Variants in SYT13 observed in about 807,000 individuals in gnomAD.
The protein encoded by SYT13 is synaptotagmin-13.
A neutral mutation model predicts 38.6 loss-of-function variants in SYT13; 21 were observed. That is an observed-to-expected ratio of 0.54 (90% CI 0.39 to 0.78). The LOEUF is 0.78. Ranked by LOEUF, SYT13 falls within the 30% of genes least tolerant of loss-of-function variation. SYT13 has a pLI of 0.00. For missense variants in SYT13, 495 were observed against 548.7 expected (o/e 0.90, Z 0.98); for synonymous variants, 241 against 237.6 (o/e 1.01, Z -0.13).
At chr11:45,246,355 C>A in intron 5 of SYT13, 28 bp downstream of exon 5, 1 of 1,611,448 alleles carries the variant, frequency 6.2e-7, no homozygotes, top group Non-Finnish European at 8.5e-7. Flanking sequence ...CTGGAGGGGC[C>A]TTGGCCATCC....
chr11:45,247,735 A>C (rs1452422306), intron 4 of SYT13, among the ~76,000 whole-genome samples: 2 of 152,210 alleles, frequency 1.3e-5, no homozygotes, highest in African/African-American at 4.8e-5. Flanking sequence ...TTCAGCAAGC[A>C]TATGCAATGC....
At position 45,246,477 on chromosome 11, in the gene SYT13, G is replaced by C. The variant is rs777059657; in HGVS notation, c.882C>G (p.Ser294=). 1.2e-5 allele frequency: 20 copies of C among 1,614,038 alleles called. No individual in the cohort carries two copies. The South Asian group carries it at 2.1e-4, about 17-fold the overall frequency. ...PSAGAGEVLL[S]ISYLPAANRL... ...GGTTGGCAGCCGGGAGGTAGCTGAT[G>C]GATAGTAGGACCTCTCCAGCTCCTG... is the stretch of plus-strand genomic sequence containing the variant. The change falls in exon 5 of 6, where the codon TCC becomes TCG. Residue 294 remains serine, a synonymous_variant. Transcript: ENST00000020926.
At chr11:45,244,401 G>C in intron 5 of SYT13, 45 bp from the exon 6 acceptor site, 2 of 1,577,086 alleles carry the variant, frequency 1.3e-6, no homozygotes, top group South Asian at 1.2e-5. Flanking sequence ...GAAGGGACAA[G>C]AGTGAGTTTC....
chr11:45,250,044 T>C (rs531375394), intron 4 of SYT13, among the ~76,000 whole-genome samples: 1 of 152,230 alleles, frequency 6.6e-6, no homozygotes, highest in Non-Finnish European at 1.5e-5. Flanking sequence ...GAAAAACATC[T>C]GGGCTGCAAT....
rs1854558902 is a variant in SYT13, at chr11:45,242,123, C to T, written c.*1929G>A. ...GGAATGAAGCCCTTACCCATCTTGT[C>T]CAGAAATTCTGTCTTAGGGAAGTGG... is the stretch of plus-strand genomic sequence containing the variant. On this transcript the variant is annotated 3_prime_UTR_variant, in exon 6 of 6. Transcript: ENST00000020926. The T allele has an allele frequency of 6.6e-6, 1 of 152,154 alleles. No homozygotes were observed. Among genetic ancestry groups the T allele is most frequent in the Admixed American group, 6.5e-5 (1 of 15,278 alleles). 9.4% of individuals were successfully genotyped at this position (152,154 alleles called of 1,614,324 possible).
intron 1 of SYT13, among the ~76,000 whole-genome samples, chr11:45,269,944 TC>T (rs1399276238): frequency 2.6e-5 from 4 of 152,230 alleles, no homozygotes; most frequent in African/African-American, 9.6e-5. Context: ...CATGTTGTAA[TC>T]TCATCAACAC....
At chr11:45,275,471 G>C (rs1303936015) in intron 1 of SYT13, among the ~76,000 whole-genome samples, 3 of 152,146 alleles carry the variant, frequency 2.0e-5, no homozygotes, top group Non-Finnish European at 4.4e-5. Context: ...GCAGATTTCA[G>C]AAAGCAGGCA....
intron 1 of SYT13, among the ~76,000 whole-genome samples, chr11:45,279,866 G>T (rs1201070676): frequency 1.3e-5 from 2 of 152,056 alleles, no homozygotes; most frequent in African/African-American, 4.8e-5. Flanking sequence ...CAATTCATGG[G>T]GCGTCCTATC....
chr11:45,244,984 C>A (rs564120485), intron 5 of SYT13, among the ~76,000 whole-genome samples: 6 of 152,308 alleles, frequency 3.9e-5, no homozygotes, highest in Non-Finnish European at 7.4e-5. Context: ...AGCCAGCTCC[C>A]AACTCTTCAT....
intron 1 of SYT13, among the ~76,000 whole-genome samples, chr11:45,273,523 G>A (rs1854975146): frequency 6.6e-6 from 1 of 150,936 alleles, no homozygotes; most frequent in South Asian, 2.1e-4. Context: ...TAGGTTTGGG[G>A]TTGACGGGGG....
rs139576162 is a variant in SYT13 at position 45,252,603 on chromosome 11, C to T, written c.664G>A (p.Glu222Lys). The T allele has an allele frequency of 1.9e-6, 3 of 1,614,078 alleles. No individual in the cohort carries two copies. In the African/African-American group the frequency reaches 4.0e-5, roughly 22 times the overall value. The change falls in exon 4 of 6, where the codon GAG (glutamate) becomes AAG (lysine). Residue 222 changes from glutamate (E) to lysine (K), a missense_variant. Transcript: ENST00000020926. This position sits in a 1 kb window ranked among gnomAD's most constrained non-coding sequence, Gnocchi z 4.3. The stretch of plus-strand genomic sequence containing the variant: ...GCCAGGGGGAGCACCAGGCCCTCCT[C>T]CCAGGTGGTGTGCAGCTGCCGCTTC... ...LKKRQLHTTW[E>K]EGLVLPLAEE... is the part of the protein sequence containing the mutation.
At chr11:45,279,592 AC>A (rs1855048628) in intron 1 of SYT13, among the ~76,000 whole-genome samples, 1 of 152,208 alleles carries the variant, frequency 6.6e-6, no homozygotes, top group Non-Finnish European at 1.5e-5. Context: ...GTCTCAAAAA[AC>A]ATTTTAATAT....
rs987328031 is a variant in SYT13, at chr11:45,245,372, C to G, written c.976+1011G>C. Among the ~76,000 whole-genome samples the G allele has an allele frequency of 4.6e-5, 7 of 152,152 alleles. No homozygotes were observed. In the South Asian group the frequency reaches 8.3e-4, roughly 18 times the overall value. ...TATTTCTACAGAGAGAGTTGAGAGA[C>G]GAAGTGTTGTACTGTAATTGTCCTG... On this transcript the variant is annotated intron_variant, in intron 5 of 5. Coordinates refer to ENST00000020926, the MANE Select transcript of SYT13 (RefSeq NM_020826.3).
At chr11:45,266,503 T>TACACACACACACACACACACAC (rs68112111) in intron 1 of SYT13, among the ~76,000 whole-genome samples, 9 of 147,388 alleles carry the variant, frequency 6.1e-5, no homozygotes, top group African/African-American at 2.2e-4. Context: ...CCCTCTCAAA[T>TACACACACACACACACACACAC]ACACACACAC....
At chr11:45,284,962 T>C (rs1855116641) in intron 1 of SYT13, among the ~76,000 whole-genome samples, 1 of 152,198 alleles carries the variant, frequency 6.6e-6, no homozygotes, top group African/African-American at 2.4e-5. Context: ...CCCACACAAC[T>C]GGGTCCTCTG....
intron 1 of SYT13, chr11:45,269,370 C>T (rs535717487): frequency 4.2e-6 from 4 of 959,440 alleles, no homozygotes; most frequent in East Asian, 2.1e-4. Flanking sequence ...ACAAAAAACT[C>T]CGTGGGACTG....
At chr11:45,277,010 A>G (rs1040510954) in intron 1 of SYT13, among the ~76,000 whole-genome samples, 1 of 152,204 alleles carries the variant, frequency 6.6e-6, no homozygotes, top group Non-Finnish European at 1.5e-5. Flanking sequence ...ATGTCCATCA[A>G]TGGGTGAATG....
chr11:45,270,514 T>C (rs1854936927), intron 1 of SYT13, among the ~76,000 whole-genome samples: 1 of 152,234 alleles, frequency 6.6e-6, no homozygotes, highest in Non-Finnish European at 1.5e-5. Flanking sequence ...ATAACCATTA[T>C]TGTGCCAATA....
chr11:45,262,076 T>C (rs1297839910), intron 1 of SYT13, among the ~76,000 whole-genome samples: 2 of 152,206 alleles, frequency 1.3e-5, no homozygotes, highest in African/African-American at 4.8e-5. Context: ...CAAATATCTA[T>C]GAACAGATGA....
Sources: allele counts gnomAD v4.1 joint callset (sites outside exome capture counted in the v4.1 genomes callset), GRCh38; gene constraint gnomAD v4.1.1; non-coding constraint Gnocchi (gnomAD v3.1); transcripts MANE v1.5; gene names NCBI Gene and HGNC (gene_info 2026-07-23, HGNC 2026-07-21).